RYR2: variants seen among roughly 807,000 people sequenced by gnomAD.
The protein encoded by RYR2 is cardiac muscle ryanodine receptor-calcium release channel.
In RYR2, 227 loss-of-function variants were observed where a neutral mutation model predicts 601.1. The observed-to-expected ratio is 0.38, with a 90% CI of 0.34 to 0.42. The LOEUF is 0.42. Ranked by LOEUF, RYR2 falls within the 10% of genes least tolerant of loss-of-function variation. The pLI is 1.00. For missense variants in RYR2, 4,646 were observed against 6,156.5 expected (o/e 0.75, Z 8.21); for synonymous variants, 2,223 against 2,175.1 (o/e 1.02, Z -0.61).
intron 1 of RYR2, among the ~76,000 whole-genome samples, chr1:237,113,671 T>TA (rs1407525162): frequency 1.3e-5 from 2 of 152,028 alleles, no homozygotes; most frequent in African/African-American, 2.4e-5. Flanking sequence ...TGAAATAGTG[T>TA]AAAAAATCCA....
chr1:237,711,405 T>C (rs1180691120), intron 70 of RYR2, among the ~76,000 whole-genome samples: 1 of 152,166 alleles, frequency 6.6e-6, no homozygotes, highest in Non-Finnish European at 1.5e-5. Context: ...CCTCGGAAAG[T>C]CTATGTTAAT....
chr1:237,064,616 C>A (rs9428368), intron 1 of RYR2, among the ~76,000 whole-genome samples: 116,985 of 151,976 alleles, frequency 0.77, 45,583 homozygotes, highest in East Asian at 0.98. Flanking sequence ...TAGGTAGCAT[C>A]CAGGCACATC....
At chr1:237,370,736 C>T (rs902660403) in intron 6 of RYR2, among the ~76,000 whole-genome samples, 2 of 150,730 alleles carry the variant, frequency 1.3e-5, no homozygotes, top group Non-Finnish European at 2.9e-5. Flanking sequence ...TCTCGGCTCA[C>T]TGCAAGCTCC....
intron 1 of RYR2, among the ~76,000 whole-genome samples, chr1:237,115,581 A>T (rs528945770): frequency 6.6e-6 from 1 of 152,160 alleles, no homozygotes; most frequent in Non-Finnish European, 1.5e-5. Flanking sequence ...TTGGAAATGA[A>T]GTTGATTTTA....
chr1:237,761,098 A>G, intron 84 of RYR2, 70 bp downstream of exon 84: 1 of 852,974 alleles, frequency 1.2e-6, no homozygotes, highest in East Asian at 2.7e-5. Context: ...ATTATCAATT[A>G]CCTTTCAAGT....
At chr1:237,680,311 G>A (rs1259504206) in intron 61 of RYR2, 145 bp from the exon 62 acceptor site, 4 of 570,848 alleles carry the variant, frequency 7.0e-6, no homozygotes, top group Non-Finnish European at 1.2e-5. Context: ...TGAGATTTAA[G>A]AGAGGCATAC....
At chr1:237,111,820 G>A (rs17669838) in intron 1 of RYR2, among the ~76,000 whole-genome samples, 23,812 of 152,056 alleles carry the variant, frequency 0.16, 2,183 homozygotes, top group Non-Finnish European at 0.19. Context: ...GCTCCTTGAG[G>A]GTTCTAGTGC....
At chr1:237,502,617 T>C (rs539105346) in intron 21 of RYR2, among the ~76,000 whole-genome samples, 1 of 152,166 alleles carries the variant, frequency 6.6e-6, no homozygotes, top group African/African-American at 2.4e-5. Context: ...TTCGCACTCC[T>C]ATGAAAATCT....
chr1:237,413,709 G>A (rs1704662227), intron 10 of RYR2, among the ~76,000 whole-genome samples: 2 of 151,984 alleles, frequency 1.3e-5, no homozygotes, highest in African/African-American at 2.4e-5. Context: ...GTGATAACTT[G>A]CACAGAAAAT....
At chr1:237,162,233 C>T (rs1676090744) in intron 1 of RYR2, among the ~76,000 whole-genome samples, 1 of 152,102 alleles carries the variant, frequency 6.6e-6, no homozygotes, top group Admixed American at 6.5e-5. Context: ...AACAGATTGG[C>T]CACCTTACTG....
intron 29 of RYR2, among the ~76,000 whole-genome samples, chr1:237,572,383 C>A (rs2779408): frequency 1.3e-5 from 2 of 151,966 alleles, no homozygotes; most frequent in African/African-American, 4.8e-5. Flanking sequence ...ATGATACACA[C>A]AGATTTGCAG....
chr1:237,527,909 C>A (rs549779296), intron 24 of RYR2, among the ~76,000 whole-genome samples: 4 of 152,134 alleles, frequency 2.6e-5, no homozygotes, highest in Non-Finnish European at 5.9e-5. Flanking sequence ...GTGATGAAAT[C>A]TCACGCCCTG....
At chr1:237,383,263 G>A (rs192862653) in intron 8 of RYR2, among the ~76,000 whole-genome samples, 4 of 152,042 alleles carry the variant, frequency 2.6e-5, no homozygotes, top group African/African-American at 9.6e-5. Context: ...AGAACTCCTG[G>A]AAGGTGATTT....
intron 1 of RYR2, among the ~76,000 whole-genome samples, chr1:237,114,643 G>C (rs188510793): frequency 1.5e-3 from 227 of 152,322 alleles, no homozygotes; most frequent in African/African-American, 5.3e-3. Flanking sequence ...GATAGAGCAT[G>C]ACTCCACTGA....
chr1:237,780,475 T>C (rs796536270), intron 88 of RYR2, among the ~76,000 whole-genome samples: 2 of 152,100 alleles, frequency 1.3e-5, no homozygotes, highest in African/African-American at 4.8e-5. Flanking sequence ...TTCCCAACAC[T>C]GTATAGCTTC....
chr1:237,156,095 G>A (rs1462927137), intron 1 of RYR2, among the ~76,000 whole-genome samples: 3 of 152,146 alleles, frequency 2.0e-5, no homozygotes, highest in Admixed American at 1.3e-4. Flanking sequence ...TCCTTCAATC[G>A]TGGCTTGGGC....
At chr1:237,491,953 G>A (rs1229282158) in intron 18 of RYR2, 29 bp downstream of exon 18, 2 of 920,522 alleles carry the variant, frequency 2.2e-6, no homozygotes, top group South Asian at 3.1e-5. Flanking sequence ...TTCCCTGAAT[G>A]AATTCTCAAA....
At chr1:237,494,072 C>T (rs1356411311) in intron 19 of RYR2, among the ~76,000 whole-genome samples, 8 of 152,126 alleles carry the variant, frequency 5.3e-5, no homozygotes, top group Admixed American at 3.9e-4. Context: ...TTCTTATCCC[C>T]TGTATTAGTC....
rs867298297 is a variant in RYR2, at chr1:237,127,408, G to C, written c.48+84839G>C. Among the ~76,000 whole-genome samples, 925 of 149,848 alleles carry C rather than the reference G, an allele frequency of 6.2e-3. 15 individuals carry two copies. The highest frequency in any genetic ancestry group is 0.021 in the African/African-American group (854 of 40,482). On this transcript the variant is annotated intron_variant, in intron 1 of 104. Coordinates refer to ENST00000366574, the MANE Select transcript of RYR2 (RefSeq NM_001035.3). ...TCCCGGACGGGGCGGCTGGCCGGGC[G>C]GGGGGCTGACCCCCCCACCTCCCTC...
Sources: gnomAD v4.1 joint callset for allele counts (sites outside exome capture counted in the v4.1 genomes callset) on GRCh38, gnomAD v4.1.1 for gene constraint, MANE v1.5 for transcripts, NCBI Gene and HGNC (gene_info 2026-07-23, HGNC 2026-07-21) for gene names.